The following S1PR3 variants were observed in gnomAD, a reference collection of about 807,000 sequenced individuals.
S1PR3 encodes sphingosine-1-phosphate receptor 3.
In S1PR3, 12 loss-of-function variants were observed where a neutral mutation model predicts 13.3. The observed-to-expected ratio is 0.90, with a 90% CI of 0.58 to 1.46. S1PR3 has a LOEUF of 1.46. Ranked by LOEUF, S1PR3 falls within the 40% of genes most tolerant of loss-of-function variation. The pLI, the probability that S1PR3 is intolerant of heterozygous loss-of-function variation, is 0.00. For missense variants in S1PR3, 450 were observed against 501.9 expected (o/e 0.90, Z 0.99); for synonymous variants, 232 against 214.0 (o/e 1.08, Z -0.73).
chr9:89,001,092 A>G lies in S1PR3; in HGVS notation c.-109A>G. On this transcript the variant is annotated 5_prime_UTR_variant, in exon 2 of 2. Coordinates refer to ENST00000358157, the MANE Select transcript of S1PR3 (RefSeq NM_005226.4). ...ACGCCCTCGCTGGAGTCTGGCCTGCACGCCTTGCTGAATGAAGCCGGAACC... is the reference window on the plus strand; with the variant it reads ...ACGCCCTCGCTGGAGTCTGGCCTGCGCGCCTTGCTGAATGAAGCCGGAACC... 2.3e-6 allele frequency: 3 copies of G among 1,297,038 alleles called. No individual in the cohort carries two copies. Among genetic ancestry groups the G allele is most frequent in the Non-Finnish European group, 2.1e-6 (2 of 930,536 alleles). 80.3% of individuals were successfully genotyped at this position (1,297,038 alleles called of 1,614,324 possible).
upstream of S1PR3, chr9:88,991,070 G>T: frequency 6.2e-7 from 1 of 1,613,514 alleles, no homozygotes; most frequent in Non-Finnish European, 8.5e-7. This position sits in a 1 kb window ranked among gnomAD's most constrained non-coding sequence, Gnocchi z 4.0. Context: ...AACCCTCGCT[G>T]TCAGGGCGAC....
chr9:89,001,833 C>A lies in S1PR3; in HGVS notation c.633C>A (p.Ile211=). ...TCTTCACGGCCATCCTGGTGACCAT[C>A]GTGATCCTCTACGCACGCATCTACT... ...ISIFTAILVT[I]VILYARIYFL... The change falls in exon 2 of 2, where the codon ATC becomes ATA. Residue 211 remains isoleucine, a synonymous_variant. Coordinates refer to ENST00000358157, the MANE Select transcript of S1PR3 (RefSeq NM_005226.4). 1.2e-6 allele frequency: 2 copies of A among 1,614,266 alleles called. No homozygotes were observed. The highest frequency in any genetic ancestry group is 1.7e-6 in the Non-Finnish European group (2 of 1,180,052).
Position 89,001,644 on chromosome 9 carries a change from C to G in S1PR3, c.444C>G (p.Ala148=), listed in dbSNP as rs1825868784. ...TGATCAAAATGAGGCCTTACGACGCCAACAAGAGGCACCGCGTCTTCCTCC... is the reference window on the plus strand; with the variant it reads ...TGATCAAAATGAGGCCTTACGACGCGAACAAGAGGCACCGCGTCTTCCTCC... The part of the protein sequence containing the change: ...LTMIKMRPYD[A]NKRHRVFLLI... Residue 148 remains alanine (A), a synonymous_variant, in exon 2 of 2, where the codon GCC becomes GCG. Coordinates refer to ENST00000358157, the MANE Select transcript of S1PR3 (RefSeq NM_005226.4). 2 of 1,614,130 alleles carry G rather than the reference C, an allele frequency of 1.2e-6. No individual in the cohort carries two copies. The highest frequency in any genetic ancestry group is 1.7e-6 in the Non-Finnish European group (2 of 1,180,060).
At position 89,002,086 on chromosome 9, in the gene S1PR3, G is replaced by A; in HGVS notation, c.886G>A (p.Val296Ile). The A allele has an allele frequency of 6.2e-7, 1 of 1,613,972 alleles. No homozygotes were observed. The highest frequency in any genetic ancestry group is 2.2e-5 in the East Asian group (1 of 44,826). Residue 296 changes from valine (V) to isoleucine (I), a missense_variant, in exon 2 of 2, where the codon GTC (valine) becomes ATC (isoleucine). By Grantham distance (29) the Val-to-Ile change is conservative (BLOSUM62 3). Coordinates refer to ENST00000358157, the MANE Select transcript of S1PR3 (RefSeq NM_005226.4). ...TGTGCTCAACTCCGCCATGAACCCG[G>A]TCATCTACACGCTGGCCAGCAAGGA... ...LAVLNSAMNPVIYTLASKEMR... is the reference protein window; with the variant it reads ...LAVLNSAMNPIIYTLASKEMR...
chr9:88,991,434 C>T (rs1386179291), upstream of S1PR3: 3 of 1,539,448 alleles, frequency 1.9e-6, no homozygotes, highest in Non-Finnish European at 2.6e-6. The surrounding 1 kb of genome is among the most constrained non-coding windows in gnomAD (Gnocchi z 4.0). Flanking sequence ...CCCGGCGGGC[C>T]GCTGGAAAAG....
intron 1 of S1PR3, chr9:88,997,389 C>G (rs1825815394): frequency 1.3e-5 from 2 of 152,156 alleles, no homozygotes; most frequent in Non-Finnish European, 1.5e-5. Context: ...CTCTCCATTC[C>G]CGGGAGCAAG....
At position 88,991,846 on chromosome 9, in the gene S1PR3, C is replaced by G. The variant is rs919935005; in HGVS notation, c.-148+151C>G. 1 of 1,613,710 alleles carries G rather than the reference C, an allele frequency of 6.2e-7. No individual in the cohort carries two copies. Among genetic ancestry groups the G allele is most frequent in the Non-Finnish European group, 8.5e-7 (1 of 1,179,774 alleles). On this transcript the variant is annotated intron_variant, in intron 1 of 1. Transcript: ENST00000358157. This position sits in a 1 kb window ranked among gnomAD's most constrained non-coding sequence, Gnocchi z 4.0. ...GGAGCGCTCCACATCAGCACCCCTC[C>G]CCCAGAGCCGCTGCAGGAACAGGGA...
At chr9:89,000,969 A>G (rs950793100) in intron 1 of S1PR3, 85 bp from the exon 2 acceptor site, 8 of 559,722 alleles carry the variant, frequency 1.4e-5, no homozygotes, top group Non-Finnish European at 1.9e-5. Context: ...CACGTTTTTC[A>G]TGCCTTTCTC....
In S1PR3 at chr9:88,991,552, C is replaced by G; in HGVS notation, c.-291C>G. On this transcript the variant is annotated 5_prime_UTR_variant, in exon 1 of 2. Transcript: ENST00000358157. This position sits in a 1 kb window ranked among gnomAD's most constrained non-coding sequence, Gnocchi z 4.0. Reference sequence around the variant, plus strand: ...CTGCAGGACGCGACCGAGCAGGACCCCAGGCCCGGGAACGACGTCGCGAGC... The same window carrying G: ...CTGCAGGACGCGACCGAGCAGGACCGCAGGCCCGGGAACGACGTCGCGAGC... 1 of 1,546,212 alleles carries G rather than the reference C, an allele frequency of 6.5e-7. No homozygotes were observed. The highest frequency in any genetic ancestry group is 8.7e-7 in the Non-Finnish European group (1 of 1,145,542).
Position 89,003,971 on chromosome 9 carries a change from G to A in S1PR3, c.*1634G>A, listed in dbSNP as rs934392711. 3 of 166,690 alleles carry A rather than the reference G, an allele frequency of 1.8e-5. No individual in the cohort carries two copies. Among genetic ancestry groups the A allele is most frequent in the African/African-American group, 7.3e-5 (3 of 41,152 alleles). 10.3% of individuals were successfully genotyped at this position (166,690 alleles called of 1,614,324 possible). A position where few individuals can be genotyped will look rare whatever the true frequency, so the allele number is the denominator to read the frequency against. The stretch of plus-strand genomic sequence containing the variant: ...GTTACTGATGAGATGAAACCTATTT[G>A]TAAGGAGATCTTCCCCAGGAGCATT... On this transcript the variant is annotated 3_prime_UTR_variant, in exon 2 of 2. Coordinates refer to ENST00000358157, the MANE Select transcript of S1PR3 (RefSeq NM_005226.4).
Position 88,992,247 on chromosome 9 carries a change from G to A in S1PR3, c.-148+552G>A, listed in dbSNP as rs1004983542. On this transcript the variant is annotated intron_variant, in intron 1 of 1. Coordinates refer to ENST00000358157, the MANE Select transcript of S1PR3 (RefSeq NM_005226.4). Reference sequence around the variant, plus strand: ...GATAACAGCTAGAGAAGGGGCTTTGGGCTTTTTGAGTCTCCCAATAGTCAG... The same window carrying A: ...GATAACAGCTAGAGAAGGGGCTTTGAGCTTTTTGAGTCTCCCAATAGTCAG... 5 of 544,262 alleles carry A rather than the reference G, an allele frequency of 9.2e-6. No homozygotes were observed. In the Admixed American group the frequency reaches 9.8e-5, roughly 11 times the overall value. 33.7% of individuals were successfully genotyped at this position (544,262 alleles called of 1,614,324 possible). A position where few individuals can be genotyped will look rare whatever the true frequency, so the allele number is the denominator to read the frequency against.
At position 89,002,633 on chromosome 9, in the gene S1PR3, G is replaced by T; in HGVS notation, c.*296G>T. On this transcript the variant is annotated 3_prime_UTR_variant, in exon 2 of 2. Coordinates refer to ENST00000358157, the MANE Select transcript of S1PR3 (RefSeq NM_005226.4). ...TCCCTGTTGTTCACAGAGAGGGAAG[G>T]TCGTGGGCCACACAATGCTGTGTGA... The T allele has an allele frequency of 4.2e-6, 2 of 471,326 alleles. No homozygotes were observed. Among genetic ancestry groups the T allele is most frequent in the South Asian group, 5.8e-5 (2 of 34,240 alleles). 29.2% of individuals were successfully genotyped at this position (471,326 alleles called of 1,614,324 possible). A position where few individuals can be genotyped will look rare whatever the true frequency, so the allele number is the denominator to read the frequency against.
In S1PR3 at chr9:89,001,479, G is replaced by A. The variant is rs1056242367; in HGVS notation, c.279G>A (p.Lys93=). Residue 93 remains lysine, a synonymous_variant, in exon 2 of 2, where the codon AAG becomes AAA. Transcript: ENST00000358157. ...LCDLLAGIAY[K]VNILMSGKKT... is the part of the protein sequence containing the mutation. The stretch of plus-strand genomic sequence containing the variant: ...ACCTGCTGGCCGGCATCGCTTACAA[G>A]GTCAACATTCTGATGTCTGGCAAGA... 2.5e-6 allele frequency: 4 copies of A among 1,614,124 alleles called. No individual in the cohort carries two copies. The highest frequency in any genetic ancestry group is 3.4e-6 in the Non-Finnish European group (4 of 1,180,052).
At position 89,003,484 on chromosome 9, in the gene S1PR3, G is replaced by C. The variant is rs1368969278; in HGVS notation, c.*1147G>C. The C allele has an allele frequency of 6.0e-6, 1 of 167,106 alleles. No individual in the cohort carries two copies. The highest frequency in any genetic ancestry group is 2.4e-5 in the African/African-American group (1 of 41,476). The allele number at this position is 167,106 out of a possible 1,614,324, so 10.4% of individuals were successfully genotyped here. On this transcript the variant is annotated 3_prime_UTR_variant, in exon 2 of 2. Coordinates refer to ENST00000358157, the MANE Select transcript of S1PR3 (RefSeq NM_005226.4). ...TCTGGCAGTTTATGCATTCTTCAGA[G>C]TAATGTAATAATACCTATGTGATGC...
intron 1 of S1PR3, chr9:88,992,375 G>T: frequency 4.6e-6 from 1 of 216,944 alleles, no homozygotes; most frequent in Non-Finnish European, 9.0e-6. Context: ...ATATAAGAGA[G>T]GAACTTCTTG....
chr9:88,991,813 C>T lies in S1PR3; in HGVS notation c.-148+118C>T, dbSNP rs940257810. The T allele has an allele frequency of 3.7e-5, 59 of 1,607,990 alleles. No individual in the cohort carries two copies. Among genetic ancestry groups the T allele is most frequent in the Non-Finnish European group, 3.7e-5 (43 of 1,177,090 alleles). On this transcript the variant is annotated intron_variant, in intron 1 of 1. Coordinates refer to ENST00000358157, the MANE Select transcript of S1PR3 (RefSeq NM_005226.4). The surrounding 1 kb of genome is among the most constrained non-coding windows in gnomAD (Gnocchi z 4.0). ...GCGCGACGGGGACTTGGGCGCGCCACGGCGGCCGGAGCGCTCCACATCAGC... is the reference window on the plus strand; with the variant it reads ...GCGCGACGGGGACTTGGGCGCGCCATGGCGGCCGGAGCGCTCCACATCAGC...
At chr9:88,992,272 GTCTCTCTCTC>G (rs138739828) in intron 1 of S1PR3, 6 of 411,452 alleles carry the variant, frequency 1.5e-5, no homozygotes, top group South Asian at 5.3e-5. Flanking sequence ...CCAATAGTCA[GTCTCTCTCTC>G]TCTCTCTCTC....
rs759241263 is a variant in S1PR3, at chr9:88,991,997, G to C, written c.-148+302G>C. 1 of 1,614,224 alleles carries C rather than the reference G, an allele frequency of 6.2e-7. No homozygotes were observed. Among genetic ancestry groups the C allele is most frequent in the South Asian group, 1.1e-5 (1 of 91,074 alleles). On this transcript the variant is annotated intron_variant, in intron 1 of 1. Transcript: ENST00000358157. This position sits in a 1 kb window ranked among gnomAD's most constrained non-coding sequence, Gnocchi z 4.0. Reference sequence around the variant, plus strand: ...TTTCCTTGGACAATTAACAAGTTAGGCTTCCACAGTGCCAGGGCCTGGGGA... The same window carrying C: ...TTTCCTTGGACAATTAACAAGTTAGCCTTCCACAGTGCCAGGGCCTGGGGA...
At chr9:88,998,916 G>A (rs1825836537) in intron 1 of S1PR3, 1 of 152,536 alleles carries the variant, frequency 6.6e-6, no homozygotes, top group African/African-American at 2.4e-5. Context: ...TGAATGGGAA[G>A]CCAAGTAGGG....
Sources: allele counts gnomAD v4.1 joint callset, GRCh38; gene constraint gnomAD v4.1.1; non-coding constraint Gnocchi (gnomAD v3.1); transcripts MANE v1.5; gene names NCBI Gene and HGNC (gene_info 2026-07-23, HGNC 2026-07-21).